Variants in CDPF1 observed in about 807,000 individuals in gnomAD.
CDPF1 encodes cysteine rich DPF motif domain containing 1.
A neutral mutation model predicts 8.3 loss-of-function variants in CDPF1; 8 were observed. That is an observed-to-expected ratio of 0.96 (90% confidence interval 0.57 to 1.74). The LOEUF is 1.74. CDPF1 is among the 40% of genes most tolerant of loss of function. The probability of loss-of-function intolerance (pLI) is 0.00; values close to 1 mark genes in which losing one functional copy is unlikely to be tolerated. For missense variants in CDPF1, 151 were observed against 155.3 expected, an observed-to-expected ratio of 0.97 and a Z score of 0.15; for synonymous variants, 62 against 62.9, an observed-to-expected ratio of 0.99 and a Z score of 0.07.
At position 46,248,160 on chromosome 22, in the gene CDPF1, G is replaced by GCA; in HGVS notation, c.113+10_113+11dup. ...GGCCTCCCCGGCACTGGCCCAAAAG[G>GCA]CATGCACTCACACCATCGACTGGGT... On this transcript the variant is annotated intron_variant, in intron 2 of 3. Coordinates refer to ENST00000314567, the MANE Select transcript of CDPF1 (RefSeq NM_207327.5). The surrounding 1 kb of genome is among the most constrained non-coding windows in gnomAD (Gnocchi z 4.1). The GCA allele has an allele frequency of 6.3e-7, 1 of 1,596,822 alleles. No individual in the cohort carries two copies. The highest frequency in any genetic ancestry group is 8.6e-7 in the Non-Finnish European group (1 of 1,165,558).
Position 46,246,976 on chromosome 22 carries a change from C to T in CDPF1, c.225+134G>A, listed in dbSNP as rs1477730377. 5 of 1,247,464 alleles carry T rather than the reference C, an allele frequency of 4.0e-6. No individual in the cohort carries two copies. Among genetic ancestry groups the T allele is most frequent in the Non-Finnish European group, 4.5e-6 (4 of 894,362 alleles). 77.3% of individuals were successfully genotyped at this position (1,247,464 alleles called of 1,614,324 possible). ...CCTAGCTTGCCCTCTCACCTCTCCC[C>T]TTCATCAGCTGAGGGGCCCCATCTA... On this transcript the variant is annotated intron_variant, in intron 3 of 3. Coordinates refer to ENST00000314567, the MANE Select transcript of CDPF1 (RefSeq NM_207327.5). The surrounding 1 kb of genome is among the most constrained non-coding windows in gnomAD (Gnocchi z 7.1).
Position 46,247,326 on chromosome 22 carries a change from T to A in CDPF1, c.114-105A>T, listed in dbSNP as rs1320556438. 4 of 757,398 alleles carry A rather than the reference T, an allele frequency of 5.3e-6. No individual in the cohort carries two copies. In the South Asian group the frequency reaches 6.3e-5, roughly 12 times the overall value. 46.9% of individuals were successfully genotyped at this position (757,398 alleles called of 1,614,324 possible). A position where few individuals can be genotyped will look rare whatever the true frequency, so the allele number is the denominator to read the frequency against. ...CAGCAGCCTGCACCTCTGCAGGGCC[T>A]GCATACCTGCGTGGGCTCATCAGGG... On this transcript the variant is annotated intron_variant, in intron 2 of 3. Coordinates refer to ENST00000314567, the MANE Select transcript of CDPF1 (RefSeq NM_207327.5). This position sits in a 1 kb window ranked among gnomAD's most constrained non-coding sequence, Gnocchi z 4.3.
chr22:46,248,610 C>T lies in CDPF1; in HGVS notation c.1-326G>A, dbSNP rs577521393. 2.9e-4 allele frequency among the ~76,000 whole-genome samples: 44 copies of T among 152,354 alleles called. No individual in the cohort carries two copies. The highest frequency in any genetic ancestry group is 1.1e-3 in the African/African-American group (44 of 41,578). Reference sequence around the variant, plus strand: ...TCCTGCTCTGCCCCATTCTTTACCACAAGCCCCCAGTGAACGCTGGTGGAG... The same window carrying T: ...TCCTGCTCTGCCCCATTCTTTACCATAAGCCCCCAGTGAACGCTGGTGGAG... On this transcript the variant is annotated intron_variant, in intron 1 of 3. Coordinates refer to ENST00000314567, the MANE Select transcript of CDPF1 (RefSeq NM_207327.5). The surrounding 1 kb of genome is among the most constrained non-coding windows in gnomAD (Gnocchi z 4.1).
rs907812605 is a variant in CDPF1 at position 46,245,488 on chromosome 22, C to T, written c.226-250G>A. 3.9e-5 allele frequency among the ~76,000 whole-genome samples: 6 copies of T among 152,204 alleles called. No individual in the cohort carries two copies. Among genetic ancestry groups the T allele is most frequent in the Admixed American group, 6.5e-5 (1 of 15,280 alleles). ...ACAGCTGGGATGGGACAGAAAGACT[C>T]TGGGGCCTGCTCTGCTCCATCACGG... On this transcript the variant is annotated intron_variant, in intron 3 of 3. Coordinates refer to ENST00000314567, the MANE Select transcript of CDPF1 (RefSeq NM_207327.5). This position sits in a 1 kb window ranked among gnomAD's most constrained non-coding sequence, Gnocchi z 6.9.
Position 46,247,149 on chromosome 22 carries a change from C to G in CDPF1, c.186G>C (p.Ser62=), listed in dbSNP as rs540181007. 6.2e-7 allele frequency: 1 copy of G among 1,613,840 alleles called. No individual in the cohort carries two copies. ...CCAGCCTGCTGCACAAACTGCAGCA[C>G]GAGCCGAGGACCAGGAATCTGTCCT... is the stretch of plus-strand genomic sequence containing the variant. ...SDKDRFLVLG[S]CCSLCSRLVC... is the part of the protein sequence containing the mutation. The change falls in exon 3 of 4, where the codon TCG becomes TCC. Residue 62 remains serine, a synonymous_variant. Coordinates refer to ENST00000314567, the MANE Select transcript of CDPF1 (RefSeq NM_207327.5). This position sits in a 1 kb window ranked among gnomAD's most constrained non-coding sequence, Gnocchi z 4.3.
Position 46,245,637 on chromosome 22 carries a change from G to A in CDPF1, c.226-399C>T, listed in dbSNP as rs1203876547. 1.3e-5 allele frequency among the ~76,000 whole-genome samples: 2 copies of A among 152,230 alleles called. No homozygotes were observed. The highest frequency in any genetic ancestry group is 2.9e-5 in the Non-Finnish European group (2 of 68,034). Reference sequence around the variant, plus strand: ...TGCTGGGAGCGGCAGGGGACAGGAAGGACAGCCCCACAGACCAAAGACGCC... The same window carrying A: ...TGCTGGGAGCGGCAGGGGACAGGAAAGACAGCCCCACAGACCAAAGACGCC... On this transcript the variant is annotated intron_variant, in intron 3 of 3. Transcript: ENST00000314567. The surrounding 1 kb of genome is among the most constrained non-coding windows in gnomAD (Gnocchi z 6.9).
In CDPF1 at chr22:46,247,060, A is replaced by G; in HGVS notation, c.225+50T>C. 6.7e-7 allele frequency: 1 copy of G among 1,486,774 alleles called. No homozygotes were observed. The highest frequency in any genetic ancestry group is 9.3e-7 in the Non-Finnish European group (1 of 1,072,352). 92.1% of individuals were successfully genotyped at this position (1,486,774 alleles called of 1,614,324 possible). ...GCCCTCCCTACCCAGGGAGAGCTCCAGGATAACCACAGCAAGGACAGGTGG... is the reference window on the plus strand; with the variant it reads ...GCCCTCCCTACCCAGGGAGAGCTCCGGGATAACCACAGCAAGGACAGGTGG... On this transcript the variant is annotated intron_variant, in intron 3 of 3. Transcript: ENST00000314567. This position sits in a 1 kb window ranked among gnomAD's most constrained non-coding sequence, Gnocchi z 4.3.
Position 46,245,284 on chromosome 22 carries a change from T to C in CDPF1, c.226-46A>G, listed in dbSNP as rs775978783. The C allele has an allele frequency of 2.5e-6, 4 of 1,602,624 alleles. No individual in the cohort carries two copies. Among genetic ancestry groups the C allele is most frequent in the Non-Finnish European group, 3.4e-6 (4 of 1,171,976 alleles). Reference sequence around the variant, plus strand: ...TGGAGGCTTGAGTATCCTGGGAACATGGTGCAGCTCCTCCCAGGGGCCAGC... The same window carrying C: ...TGGAGGCTTGAGTATCCTGGGAACACGGTGCAGCTCCTCCCAGGGGCCAGC... On this transcript the variant is annotated intron_variant, in intron 3 of 3. Coordinates refer to ENST00000314567, the MANE Select transcript of CDPF1 (RefSeq NM_207327.5). The surrounding 1 kb of genome is among the most constrained non-coding windows in gnomAD (Gnocchi z 6.9).
chr22:46,250,122 C>T (rs113658408), intron 1 of CDPF1, 134 bp downstream of exon 1: 1 of 152,396 alleles, frequency 6.6e-6, no homozygotes, highest in African/African-American at 2.4e-5. Flanking sequence ...GCGGCTGCGC[C>T]GACTCCTGGC....
Position 46,247,518 on chromosome 22 carries a change from C to T in CDPF1, c.114-297G>A, listed in dbSNP as rs1936510400. On this transcript the variant is annotated intron_variant, in intron 2 of 3. Transcript: ENST00000314567. This position sits in a 1 kb window ranked among gnomAD's most constrained non-coding sequence, Gnocchi z 4.3. ...GGCTGCTGCAACATGGGCCCCCAGA[C>T]CCTGACTGATTCACCACAGTGGGGG... Among the ~76,000 whole-genome samples the T allele has an allele frequency of 6.6e-6, 1 of 152,178 alleles. No homozygotes were observed. The highest frequency in any genetic ancestry group is 1.5e-5 in the Non-Finnish European group (1 of 68,012).
rs536139992 is a variant in CDPF1, at chr22:46,244,736, C to A, written c.*356G>T. 1.2e-5 allele frequency: 3 copies of A among 246,330 alleles called. No homozygotes were observed. Among genetic ancestry groups the A allele is most frequent in the Admixed American group, 1.0e-4 (2 of 19,712 alleles). 15.3% of individuals were successfully genotyped at this position (246,330 alleles called of 1,614,324 possible). A position where few individuals can be genotyped will look rare whatever the true frequency, so the allele number is the denominator to read the frequency against. ...CCCGACACAGTGTGGCATCTCCCCC[C>A]ACACGCACCTGCACGCAGCCTCTTA... is the stretch of plus-strand genomic sequence containing the variant. On this transcript the variant is annotated 3_prime_UTR_variant, in exon 4 of 4. Coordinates refer to ENST00000314567, the MANE Select transcript of CDPF1 (RefSeq NM_207327.5). The surrounding 1 kb of genome is among the most constrained non-coding windows in gnomAD (Gnocchi z 6.7).
chr22:46,247,261 T>C lies in CDPF1; in HGVS notation c.114-40A>G. 2 of 1,407,346 alleles carry C rather than the reference T, an allele frequency of 1.4e-6. No homozygotes were observed. 87.2% of individuals were successfully genotyped at this position (1,407,346 alleles called of 1,614,324 possible). A position where few individuals can be genotyped will look rare whatever the true frequency, so the allele number is the denominator to read the frequency against. Reference sequence around the variant, plus strand: ...ATGCAGCGTCAGAACAGCCCAAATCTCTGCCGTCGGAAAATCAGCCATGAC... The same window carrying C: ...ATGCAGCGTCAGAACAGCCCAAATCCCTGCCGTCGGAAAATCAGCCATGAC... On this transcript the variant is annotated intron_variant, in intron 2 of 3. Coordinates refer to ENST00000314567, the MANE Select transcript of CDPF1 (RefSeq NM_207327.5). This position sits in a 1 kb window ranked among gnomAD's most constrained non-coding sequence, Gnocchi z 4.3.
Position 46,247,265 on chromosome 22 carries a change from C to A in CDPF1, c.114-44G>T. Reference sequence around the variant, plus strand: ...AGCGTCAGAACAGCCCAAATCTCTGCCGTCGGAAAATCAGCCATGACCTAT... The same window carrying A: ...AGCGTCAGAACAGCCCAAATCTCTGACGTCGGAAAATCAGCCATGACCTAT... On this transcript the variant is annotated intron_variant, in intron 2 of 3. Coordinates refer to ENST00000314567, the MANE Select transcript of CDPF1 (RefSeq NM_207327.5). The surrounding 1 kb of genome is among the most constrained non-coding windows in gnomAD (Gnocchi z 4.3). 1 of 1,385,240 alleles carries A rather than the reference C, an allele frequency of 7.2e-7. No homozygotes were observed. The highest frequency in any genetic ancestry group is 1.0e-6 in the Non-Finnish European group (1 of 982,448). 85.8% of individuals were successfully genotyped at this position (1,385,240 alleles called of 1,614,324 possible).
rs536139992 is a variant in CDPF1, at chr22:46,244,736, C to T, written c.*356G>A. The stretch of plus-strand genomic sequence containing the variant: ...CCCGACACAGTGTGGCATCTCCCCC[C>T]ACACGCACCTGCACGCAGCCTCTTA... On this transcript the variant is annotated 3_prime_UTR_variant, in exon 4 of 4. Transcript: ENST00000314567. This position sits in a 1 kb window ranked among gnomAD's most constrained non-coding sequence, Gnocchi z 6.7. 4 of 246,212 alleles carry T rather than the reference C, an allele frequency of 1.6e-5. No homozygotes were observed. Among genetic ancestry groups the T allele is most frequent in the Non-Finnish European group, 3.2e-5 (4 of 125,156 alleles). 15.3% of individuals were successfully genotyped at this position (246,212 alleles called of 1,614,324 possible). A position where few individuals can be genotyped will look rare whatever the true frequency, so the allele number is the denominator to read the frequency against.
rs941453280 is a variant in CDPF1, at chr22:46,247,771, G to C, written c.113+401C>G. Among the ~76,000 whole-genome samples, 6 of 152,220 alleles carry C rather than the reference G, an allele frequency of 3.9e-5. No individual in the cohort carries two copies. The highest frequency in any genetic ancestry group is 1.4e-4 in the African/African-American group (6 of 41,458). ...ACACCGGCCAGCTTTCCAACAAAGT[G>C]GCATTTGATGAAGGACAAGCTGGAG... On this transcript the variant is annotated intron_variant, in intron 2 of 3. Coordinates refer to ENST00000314567, the MANE Select transcript of CDPF1 (RefSeq NM_207327.5). The surrounding 1 kb of genome is among the most constrained non-coding windows in gnomAD (Gnocchi z 4.3).
rs1936464672 is a variant in CDPF1, at chr22:46,245,038, C to T, written c.*54G>A. ...AGCTCAGCAGCATCCCTGGCGCAGG[C>T]TGGCCCAGGAGCTCTGTGCAGGGTG... is the stretch of plus-strand genomic sequence containing the variant. On this transcript the variant is annotated 3_prime_UTR_variant, in exon 4 of 4. Coordinates refer to ENST00000314567, the MANE Select transcript of CDPF1 (RefSeq NM_207327.5). This position sits in a 1 kb window ranked among gnomAD's most constrained non-coding sequence, Gnocchi z 6.9. 4 of 1,598,050 alleles carry T rather than the reference C, an allele frequency of 2.5e-6. No homozygotes were observed. In the Admixed American group the frequency reaches 5.1e-5, roughly 20 times the overall value.
rs1936509875 is a variant in CDPF1 at position 46,247,493 on chromosome 22, G to A, written c.114-272C>T. Reference sequence around the variant, plus strand: ...ACCCCTTGTTCTCAGCCAAAAGCAGGGCTGCTGCAACATGGGCCCCCAGAC... The same window carrying A: ...ACCCCTTGTTCTCAGCCAAAAGCAGAGCTGCTGCAACATGGGCCCCCAGAC... On this transcript the variant is annotated intron_variant, in intron 2 of 3. Transcript: ENST00000314567. The surrounding 1 kb of genome is among the most constrained non-coding windows in gnomAD (Gnocchi z 4.3). Among the ~76,000 whole-genome samples the A allele has an allele frequency of 6.6e-6, 1 of 152,136 alleles. No homozygotes were observed. The highest frequency in any genetic ancestry group is 2.4e-5 in the African/African-American group (1 of 41,416).
rs1474042677 is a variant in CDPF1, at chr22:46,245,115, TG to T, written c.348del (p.Ser117AlafsTer13). 6.2e-7 allele frequency: 1 copy of T among 1,614,192 alleles called. No homozygotes were observed. The highest frequency in any genetic ancestry group is 8.5e-7 in the Non-Finnish European group (1 of 1,179,998). On this transcript the variant is annotated frameshift_variant, in exon 4 of 4. Transcript: ENST00000314567. LOFTEE classifies it low-confidence loss of function (END_TRUNC). This position sits in a 1 kb window ranked among gnomAD's most constrained non-coding sequence, Gnocchi z 6.9. ...ACTCACGTCCGAGAACCGGGCTGGCTGGGGGTCCTCTTTGATGGAGCTTTCC... is the reference window on the plus strand; with the variant it reads ...ACTCACGTCCGAGAACCGGGCTGGCTGGGGTCCTCTTTGATGGAGCTTTCC... ...EKRKAPSKRT[P>X]SQPGSRT
Position 46,245,196 on chromosome 22 carries a change from C to T in CDPF1, c.268G>A (p.Val90Ile), listed in dbSNP as rs1201970890. Residue 90 changes from valine to isoleucine, a missense_variant, in exon 4 of 4, where the codon GTC (valine) becomes ATC (isoleucine). Physicochemically the swap from Val to Ile is conservative, Grantham distance 29. Transcript: ENST00000314567. The surrounding 1 kb of genome is among the most constrained non-coding windows in gnomAD (Gnocchi z 6.9). ...FYSKRFCLPC[V>I]RENINAFPQE... is the part of the protein sequence containing the mutation. ...GGAAAAGCATTGATGTTCTCCCGGA[C>T]ACAAGGGAGGCAGAATCTCTTGGAG... is the stretch of plus-strand genomic sequence containing the variant. 1.2e-6 allele frequency: 2 copies of T among 1,614,248 alleles called. No individual in the cohort carries two copies. The highest frequency in any genetic ancestry group is 8.5e-7 in the Non-Finnish European group (1 of 1,180,030).
Sources: gnomAD v4.1 joint callset for allele counts (sites outside exome capture counted in the v4.1 genomes callset) on GRCh38, gnomAD v4.1.1 for gene constraint, Gnocchi (gnomAD v3.1) non-coding constraint, MANE v1.5 for transcripts, NCBI Gene and HGNC (gene_info 2026-07-23, HGNC 2026-07-21) for gene names.